Variants in POLN observed in about 807,000 individuals in gnomAD.
POLN encodes the protein DNA polymerase N.
Under a neutral mutation model 113.5 loss-of-function variants are expected in POLN, and 108 were observed. The observed-to-expected ratio is 0.95, with a 90% confidence interval of 0.81 to 1.12. The LOEUF (loss-of-function observed/expected upper bound fraction) is 1.12, where lower values mean the gene tolerates loss of function less well. Among genes scored for constraint, POLN ranks in the 50% most tolerant of loss-of-function variants. POLN has a pLI of 0.00. For synonymous variants in POLN, 386 were observed against 391.5 expected, an observed-to-expected ratio of 0.99 and a Z score of 0.17; for missense variants, 1,097 against 1,077.1, an observed-to-expected ratio of 1.02 and a Z score of -0.26.
In POLN at chr4:2,073,025, G is replaced by A. The variant is rs143931462; in HGVS notation, c.2460C>T (p.Leu820=). 9 of 1,613,220 alleles carry A rather than the reference G, an allele frequency of 5.6e-6. No homozygotes were observed. The highest frequency in any genetic ancestry group is 4.0e-5 in the African/African-American group (3 of 74,938). Residue 820 remains leucine, a synonymous_variant, in exon 25 of 26, where the codon CTC becomes CTT. Coordinates refer to ENST00000511885, the MANE Select transcript of POLN (RefSeq NM_181808.4). Reference sequence around the variant, plus strand: ...CCAAGGACTCCATGGTCCTCCTGACGAGAGCTAGAGTGCGGAAGAGAGAGG... The same window carrying A: ...CCAAGGACTCCATGGTCCTCCTGACAAGAGCTAGAGTGCGGAAGAGAGAGG... ...EDPQIPECAA[L]VRRTMESLEQ...
rs370285116 is a variant in POLN at position 2,229,153 on chromosome 4, C to A, written c.79G>T (p.Ala27Ser). ...LSSVAQKIMS[A>S]MHSGDLVDSK... ...TCCACTAAATCACCTGAATGCATAG[C>A]AGACATAATCTTCTGAGCAACACTG... The change falls in exon 3 of 26, where the codon GCT (alanine) becomes TCT (serine). Residue 27 changes from alanine (A) to serine (S), a missense_variant. Transcript: ENST00000511885. 1 of 1,610,654 alleles carries A rather than the reference C, an allele frequency of 6.2e-7. No individual in the cohort carries two copies. The highest frequency in any genetic ancestry group is 1.3e-5 in the African/African-American group (1 of 74,832).
chr4:2,091,052 T>C (rs1348540440), intron 20 of POLN, among the ~76,000 whole-genome samples: 3 of 152,230 alleles, frequency 2.0e-5, no homozygotes, highest in African/African-American at 7.2e-5. Flanking sequence ...TGAGGGTCTA[T>C]AGAATGAGAA....
intron 6 of POLN, among the ~76,000 whole-genome samples, chr4:2,196,936 C>T (rs1246915942): frequency 2.0e-5 from 3 of 152,098 alleles, no homozygotes; most frequent in Admixed American, 6.6e-5. Flanking sequence ...TGGGTAGAGG[C>T]GCACACCACA....
chr4:2,090,578 C>A, intron 20 of POLN: 1 of 463,100 alleles, frequency 2.2e-6, no homozygotes, highest in Admixed American at 3.4e-5. Context: ...TCAAGATCTT[C>A]ATCGCAGTCA....
At chr4:2,164,767 C>T (rs1732686974) in intron 13 of POLN, among the ~76,000 whole-genome samples, 1 of 125,008 alleles carries the variant, frequency 8.0e-6, no homozygotes, top group East Asian at 2.6e-4. Context: ...CATGCCACTG[C>T]ACTCCAACCT....
intron 2 of POLN, chr4:2,231,767 T>G (rs1734586191): frequency 5.9e-6 from 3 of 512,362 alleles, no homozygotes; most frequent in Non-Finnish European, 1.0e-5. Flanking sequence ...GTATTCTGAA[T>G]GTACTACATG....
At position 2,115,937 on chromosome 4, in the gene POLN, C is replaced by T. The variant is rs1014497744; in HGVS notation, c.1982+12176G>A. On this transcript the variant is annotated intron_variant, in intron 19 of 25. Transcript: ENST00000511885. ...ATAGCTTAGCTGTCAGCTTTTCAGACGATAGGAGACCCATGTGTTTCAGAC... is the reference window on the plus strand; with the variant it reads ...ATAGCTTAGCTGTCAGCTTTTCAGATGATAGGAGACCCATGTGTTTCAGAC... Among the ~76,000 whole-genome samples, 3 of 152,182 alleles carry T rather than the reference C, an allele frequency of 2.0e-5. No individual in the cohort carries two copies. In the East Asian group the frequency reaches 5.8e-4, roughly 29 times the overall value.
chr4:2,092,340 C>T (rs1295670319), intron 20 of POLN, among the ~76,000 whole-genome samples: 2 of 152,198 alleles, frequency 1.3e-5, no homozygotes, highest in African/African-American at 2.4e-5. Flanking sequence ...GATCAAGACC[C>T]GAGGAGTCAA....
At chr4:2,192,475 G>T (rs1161393192) in intron 7 of POLN, among the ~76,000 whole-genome samples, 2 of 151,868 alleles carry the variant, frequency 1.3e-5, no homozygotes, top group Non-Finnish European at 2.9e-5. Flanking sequence ...GAGTAGCTAG[G>T]ATTACAGGCA....
chr4:2,116,857 T>A (rs1170753950), intron 19 of POLN, among the ~76,000 whole-genome samples: 1 of 152,178 alleles, frequency 6.6e-6, no homozygotes, highest in Non-Finnish European at 1.5e-5. Context: ...GGGCACATAT[T>A]CTCTGCAACA....
intron 11 of POLN, among the ~76,000 whole-genome samples, chr4:2,172,844 G>C (rs1472662361): frequency 6.6e-6 from 1 of 152,160 alleles, no homozygotes; most frequent in African/African-American, 2.4e-5. Flanking sequence ...CACAGGCACA[G>C]GGAATGCACT....
chr4:2,191,322 A>C (rs1733433733), intron 7 of POLN, among the ~76,000 whole-genome samples: 1 of 150,896 alleles, frequency 6.6e-6, no homozygotes, highest in South Asian at 2.1e-4. Context: ...TGGTTACCAG[A>C]GGTCAGGAAG....
intron 19 of POLN, among the ~76,000 whole-genome samples, chr4:2,103,070 C>T (rs35978854): frequency 0.012 from 1,839 of 152,050 alleles, 46 homozygotes; most frequent in African/African-American, 0.043. Context: ...TAGATCTTAA[C>T]CAAAAAAGAA....
At chr4:2,080,032 T>G (rs978757030) in intron 23 of POLN, 3 of 985,374 alleles carry the variant, frequency 3.0e-6, no homozygotes, top group Non-Finnish European at 3.6e-6. Context: ...GCCAAGAGCT[T>G]GAGGGCTCTT....
At chr4:2,188,494 G>C (rs7669345) in intron 7 of POLN, among the ~76,000 whole-genome samples, 24,480 of 151,738 alleles carry the variant, frequency 0.16, 3,239 homozygotes, top group East Asian at 0.35. Context: ...CCAGCTACTC[G>C]GGAGGCTGAG....
intron 19 of POLN, among the ~76,000 whole-genome samples, chr4:2,098,779 C>G (rs989982656): frequency 3.9e-5 from 6 of 152,266 alleles, no homozygotes; most frequent in African/African-American, 1.4e-4. Flanking sequence ...AATAGCCATT[C>G]TCCAGTAAAA....
chr4:2,237,267 C>A (rs1560104927), intron 2 of POLN, among the ~76,000 whole-genome samples: 2 of 138,130 alleles, frequency 1.4e-5, no homozygotes, highest in African/African-American at 6.5e-5. Flanking sequence ...CCCATCTCTA[C>A]AAATTTTTTT....
intron 19 of POLN, among the ~76,000 whole-genome samples, chr4:2,101,539 C>T (rs1267714312): frequency 2.0e-5 from 3 of 152,204 alleles, no homozygotes; most frequent in Admixed American, 1.3e-4. Flanking sequence ...TTGTACAATC[C>T]AGGCCATAGG....
At chr4:2,193,391 C>T (rs1486067944) in intron 6 of POLN, 75 bp from the exon 7 acceptor site, 5 of 904,660 alleles carry the variant, frequency 5.5e-6, no homozygotes, top group East Asian at 5.4e-5. Context: ...ATTATTACTA[C>T]TCAACTAACA....
Sources: gnomAD v4.1 joint callset for allele counts (sites outside exome capture counted in the v4.1 genomes callset) on GRCh38, gnomAD v4.1.1 for gene constraint, MANE v1.5 for transcripts, NCBI Gene and HGNC (gene_info 2026-07-23, HGNC 2026-07-21) for gene names.